Variants in SYNE1 observed in about 807,000 individuals in gnomAD.
SYNE1 encodes nesprin-1.
SYNE1 carries 616 observed loss-of-function variants against 1,111.0 expected under a neutral mutation model. The ratio of observed to expected loss-of-function variants is 0.55; its 90% CI spans 0.52 to 0.59. The LOEUF (loss-of-function observed/expected upper bound fraction) is 0.59. Ranked by LOEUF, SYNE1 falls within the 20% of genes least tolerant of loss-of-function variation. The probability of loss-of-function intolerance (pLI) is 0.00; values close to 1 mark genes in which losing one functional copy is unlikely to be tolerated. For synonymous variants in SYNE1, 3,855 were observed against 3,825.8 expected (o/e 1.01, Z -0.28); for missense variants, 10,006 against 10,417.0 (o/e 0.96, Z 1.72).
At chr6:152,559,261 C>A (rs1399719024) in intron 3 of SYNE1, among the ~76,000 whole-genome samples, 5 of 151,590 alleles carry the variant, frequency 3.3e-5, no homozygotes, top group Non-Finnish European at 7.4e-5. Flanking sequence ...CAATGCCCAG[C>A]TAATGTTTTA....
chr6:152,208,310 G>C (rs1310281550), intron 124 of SYNE1, 104 bp from the exon 125 acceptor site: 2 of 1,011,814 alleles, frequency 2.0e-6, no homozygotes, highest in Non-Finnish European at 3.0e-6. Context: ...CCTGAGAAGT[G>C]ATCTAGGGCG....
chr6:152,558,178 C>G (rs1005073599), intron 3 of SYNE1, among the ~76,000 whole-genome samples: 2 of 151,718 alleles, frequency 1.3e-5, no homozygotes, highest in Admixed American at 1.3e-4. Context: ...CATGTTACCA[C>G]AAAGAAAAAA....
At chr6:152,606,811 C>T (rs1357045869) in intron 3 of SYNE1, among the ~76,000 whole-genome samples, 1 of 150,854 alleles carries the variant, frequency 6.6e-6, no homozygotes, top group Non-Finnish European at 1.5e-5. Flanking sequence ...CCACGCCCGG[C>T]TAAATTTTTT....
At chr6:152,210,417 AT>A (rs1009317757) in intron 124 of SYNE1, among the ~76,000 whole-genome samples, 1 of 152,120 alleles carries the variant, frequency 6.6e-6, no homozygotes, top group Non-Finnish European at 1.5e-5. Flanking sequence ...AATTTGTTTT[AT>A]TTTCAAGGCC....
intron 32 of SYNE1, among the ~76,000 whole-genome samples, chr6:152,440,086 G>A (rs1483028691): frequency 6.6e-6 from 1 of 152,102 alleles, no homozygotes. Flanking sequence ...CACTCACTCT[G>A]TCTGGTTAGT....
Position 152,390,795 on chromosome 6 carries a change from G to C in SYNE1, c.8005-343C>G, listed in dbSNP as rs111351904. 9.0e-4 allele frequency among the ~76,000 whole-genome samples: 137 copies of C among 152,232 alleles called. 1 individual carries two copies. Among genetic ancestry groups the C allele is most frequent in the African/African-American group, 3.0e-3 (125 of 41,550 alleles). Reference sequence around the variant, plus strand: ...AGCAGTCCCCTACATTAATTGGCTGGCTAATTTCTCTCTTTCAAGGTCAGC... The same window carrying C: ...AGCAGTCCCCTACATTAATTGGCTGCCTAATTTCTCTCTTTCAAGGTCAGC... On this transcript the variant is annotated intron_variant, in intron 52 of 145. Transcript: ENST00000367255.
At chr6:152,324,162 G>T (rs2095974061) in intron 81 of SYNE1, among the ~76,000 whole-genome samples, 1 of 152,194 alleles carries the variant, frequency 6.6e-6, no homozygotes, top group Non-Finnish European at 1.5e-5. Context: ...ACTTTCGGAG[G>T]CCGAGACAGG....
chr6:152,455,408 C>T lies in SYNE1; in HGVS notation c.2892+18G>A. ...GTCCATGTATTCAGGTCAAGTGTCC[C>T]CTAAAGGGTGGACTCACAGTGTGTC... On this transcript the variant is annotated intron_variant, in intron 24 of 145. Transcript: ENST00000367255. 1 of 1,612,104 alleles carries T rather than the reference C, an allele frequency of 6.2e-7. No individual in the cohort carries two copies. The highest frequency in any genetic ancestry group is 1.1e-5 in the South Asian group (1 of 90,826).
intron 108 of SYNE1, among the ~76,000 whole-genome samples, chr6:152,237,935 G>A (rs2084604580): frequency 6.6e-6 from 1 of 152,078 alleles, no homozygotes; most frequent in African/African-American, 2.4e-5. Context: ...GTGGCAACAG[G>A]GCACAGTAGT....
At chr6:152,164,960 A>G (rs1296689981) in intron 130 of SYNE1, among the ~76,000 whole-genome samples, 1 of 152,188 alleles carries the variant, frequency 6.6e-6, no homozygotes, top group Non-Finnish European at 1.5e-5. Context: ...ATATGTCAAG[A>G]GCAACATGAC....
At chr6:152,464,791 C>T in intron 18 of SYNE1, 1 of 238,180 alleles carries the variant, frequency 4.2e-6, no homozygotes, top group Non-Finnish European at 8.3e-6. Context: ...AAATAAATCA[C>T]TCCTACCCAG....
chr6:152,167,981 T>C (rs1365890918), intron 130 of SYNE1: 1 of 778,146 alleles, frequency 1.3e-6, no homozygotes. Flanking sequence ...TGGCCAGCTA[T>C]CTCCCAACAC....
intron 106 of SYNE1, among the ~76,000 whole-genome samples, chr6:152,244,144 T>C (rs1462671025): frequency 6.6e-6 from 1 of 152,218 alleles, no homozygotes; most frequent in Non-Finnish European, 1.5e-5. Context: ...TTACTTTGAT[T>C]ATTTGCTTTT....
At chr6:152,544,792 G>A (rs1018137854) in intron 3 of SYNE1, among the ~76,000 whole-genome samples, 1 of 152,138 alleles carries the variant, frequency 6.6e-6, no homozygotes, top group Non-Finnish European at 1.5e-5. Flanking sequence ...CACAATTGTG[G>A]TTTACTCTAG....
chr6:152,269,905 A>T (rs2093058443), intron 98 of SYNE1, among the ~76,000 whole-genome samples: 1 of 152,118 alleles, frequency 6.6e-6, no homozygotes, highest in Non-Finnish European at 1.5e-5. Context: ...TATGGGAGAA[A>T]ATGTACTGCA....
intron 29 of SYNE1, among the ~76,000 whole-genome samples, chr6:152,445,199 T>A (rs945367199): frequency 1.5e-4 from 23 of 152,036 alleles, no homozygotes; most frequent in Middle Eastern, 6.8e-3. Flanking sequence ...AAAACCTAAT[T>A]ATAAAAGTGC....
rs1590217542 is a variant in SYNE1, at chr6:152,330,512, C to T, written c.14173G>A (p.Gly4725Ser). 1 of 1,614,076 alleles carries T rather than the reference C, an allele frequency of 6.2e-7. No homozygotes were observed. Among genetic ancestry groups the T allele is most frequent in the East Asian group, 2.2e-5 (1 of 44,874 alleles). ...GCRAILDEVAGLGEAVDELNQ... is the reference protein window; with the variant it reads ...GCRAILDEVASLGEAVDELNQ... ...AGTTCATCCACCGCCTCCCCAAGGC[C>T]CGCCACCTCGTCCAGAATGGCTCTG... Residue 4725 changes from glycine (G) to serine (S), a missense_variant, in exon 78 of 146, where the codon GGC becomes AGC. By Grantham distance (56) the Gly-to-Ser change is moderately conservative. Transcript: ENST00000367255.
intron 63 of SYNE1, 45 bp downstream of exon 63, chr6:152,364,802 C>A (rs745977691): frequency 6.2e-7 from 1 of 1,613,476 alleles, no homozygotes; most frequent in Non-Finnish European, 8.5e-7. Context: ...TTATATTGAT[C>A]TTTTAGTAAT....
Position 152,381,097 on chromosome 6 carries a change from C to T in SYNE1, c.8918G>A (p.Ser2973Asn), listed in dbSNP as rs766072795. 1.2e-5 allele frequency: 20 copies of T among 1,614,076 alleles called. No individual in the cohort carries two copies. The highest frequency in any genetic ancestry group is 4.2e-6 in the Non-Finnish European group (5 of 1,180,040). Residue 2973 changes from serine to asparagine, a missense_variant, in exon 56 of 146, where the codon AGT becomes AAT. Physicochemically the swap from Ser to Asn is conservative, Grantham distance 46. Transcript: ENST00000367255. ...AQLEQALEQF[S>N]ALLKTWAQQL... ...CTGAGCCCAGGTTTTCAGAAGGGCA[C>T]TGAACTGTTCCAGGGCCTGCTCCAG... is the stretch of plus-strand genomic sequence containing the variant.
Sources: gnomAD v4.1 joint callset for allele counts (sites outside exome capture counted in the v4.1 genomes callset) on GRCh38, gnomAD v4.1.1 for gene constraint, MANE v1.5 for transcripts, NCBI Gene and HGNC (gene_info 2026-07-23, HGNC 2026-07-21) for gene names.